ADAMTSL1: variants seen among roughly 807,000 people sequenced by gnomAD.
ADAMTSL1 encodes ADAMTS like 1, also known as ADAMTS-like protein 1.
A neutral mutation model predicts 201.8 loss-of-function variants in ADAMTSL1; 126 were observed. The ratio of observed to expected loss-of-function variants is 0.62; its 90% confidence interval spans 0.54 to 0.72. ADAMTSL1 has a LOEUF of 0.72. ADAMTSL1 is among the 30% of genes least tolerant of loss of function. The probability of loss-of-function intolerance (pLI) is 0.00; values close to 1 mark genes in which losing one functional copy is unlikely to be tolerated. For missense variants in ADAMTSL1, 2,679 were observed against 2,277.8 expected (o/e 1.18, Z -3.59); for synonymous variants, 1,121 against 903.4 (o/e 1.24, Z -4.32).
intron 2 of ADAMTSL1, among the ~76,000 whole-genome samples, chr9:18,258,771 C>G (rs149737031): frequency 3.3e-5 from 5 of 152,308 alleles, no homozygotes; most frequent in African/African-American, 1.2e-4. Context: ...CCCTCACACA[C>G]CAGGTTGTCT....
At chr9:18,025,889 G>A (rs1435349814) in intron 1 of ADAMTSL1, among the ~76,000 whole-genome samples, 1 of 152,082 alleles carries the variant, frequency 6.6e-6, no homozygotes, top group Non-Finnish European at 1.5e-5. Flanking sequence ...CCAAGAGCAT[G>A]GAATGTTTTT....
chr9:18,352,808 A>G (rs1056971951), intron 2 of ADAMTSL1, among the ~76,000 whole-genome samples: 5 of 152,202 alleles, frequency 3.3e-5, no homozygotes, highest in African/African-American at 9.6e-5. Flanking sequence ...TTTTTACCCT[A>G]TTTCTCAATC....
chr9:18,017,635 A>G lies in ADAMTSL1; in HGVS notation c.87+110713A>G, dbSNP rs148833112. Among the ~76,000 whole-genome samples, 31 of 152,136 alleles carry G rather than the reference A, an allele frequency of 2.0e-4. No homozygotes were observed. In the East Asian group the frequency reaches 5.6e-3, roughly 28 times the overall value. ...GGAAATCCTGTCTTTAGAATTGAACATGAAATTATGATCAAATTTTTTCTT... is the reference window on the plus strand; with the variant it reads ...GGAAATCCTGTCTTTAGAATTGAACGTGAAATTATGATCAAATTTTTTCTT... On this transcript the variant is annotated intron_variant, in intron 1 of 29. Coordinates refer to the ADAMTSL1 transcript ENST00000680146.
intron 2 of ADAMTSL1, among the ~76,000 whole-genome samples, chr9:18,449,493 A>C (rs1820323710): frequency 6.6e-6 from 1 of 152,062 alleles, no homozygotes; most frequent in African/African-American, 2.4e-5. Flanking sequence ...TTAACTTAAT[A>C]TATTCAGAAA....
intron 1 of ADAMTSL1, among the ~76,000 whole-genome samples, chr9:17,948,190 A>T (rs369481358): frequency 1.2e-3 from 178 of 152,324 alleles, no homozygotes; most frequent in African/African-American, 4.0e-3. Context: ...ATTACCAAAA[A>T]ATAAATTAAT....
chr9:18,726,524 A>T (rs1441096464), intron 15 of ADAMTSL1, among the ~76,000 whole-genome samples: 4 of 151,726 alleles, frequency 2.6e-5, no homozygotes, highest in Non-Finnish European at 5.9e-5. Context: ...AAAAAAAAAA[A>T]TAAGCTTTAG....
intron 12 of ADAMTSL1, 95 bp from the exon 13 acceptor site, chr9:18,684,621 G>C (rs1024268672): frequency 2.9e-6 from 4 of 1,381,474 alleles, no homozygotes; most frequent in African/African-American, 1.4e-5. Flanking sequence ...GTTGGTCAAC[G>C]TAGTAACTTC....
At chr9:18,807,526 T>C (rs1038970884) in intron 20 of ADAMTSL1, among the ~76,000 whole-genome samples, 1 of 151,716 alleles carries the variant, frequency 6.6e-6, no homozygotes, top group Non-Finnish European at 1.5e-5. Flanking sequence ...GCGCCTGTAG[T>C]CCCAGCTAGT....
At chr9:18,266,242 C>A (rs1485867504) in intron 2 of ADAMTSL1, among the ~76,000 whole-genome samples, 1 of 152,152 alleles carries the variant, frequency 6.6e-6, no homozygotes, top group African/African-American at 2.4e-5. Flanking sequence ...AACTTTTTCA[C>A]CTAGGTGAAC....
At position 18,681,695 on chromosome 9, in the gene ADAMTSL1, T is replaced by TGAGG. The variant is rs201108118; in HGVS notation, c.1342-116_1342-115insAGGG. Reference sequence around the variant, plus strand: ...GGTATAAATTTACCAGGAGTCCTCGTGTGGGGGGGGGGGGCGGGGAAAAAG... The same window carrying TGAGG: ...GGTATAAATTTACCAGGAGTCCTCGTGAGGGTGGGGGGGGGGGGCGGGGAAAAAG... On this transcript the variant is annotated intron_variant, in intron 11 of 28. Coordinates refer to ENST00000380548, the MANE Select transcript of ADAMTSL1 (RefSeq NM_001040272.6). 235 of 287,380 alleles carry TGAGG rather than the reference T, an allele frequency of 8.2e-4. 2 individuals are homozygous for TGAGG. The highest frequency in any genetic ancestry group is 1.8e-3 in the Middle Eastern group (2 of 1,106). 17.8% of individuals were successfully genotyped at this position (287,380 alleles called of 1,614,324 possible).
Position 18,492,254 on chromosome 9 carries a change from G to C in ADAMTSL1, c.64-12575G>C, listed in dbSNP as rs538219565. Among the ~76,000 whole-genome samples, 22 of 152,188 alleles carry C rather than the reference G, an allele frequency of 1.4e-4. No individual in the cohort carries two copies. The South Asian group carries it at 4.4e-3, about 30-fold the overall frequency. On this transcript the variant is annotated intron_variant, in intron 1 of 28. Coordinates refer to ENST00000380548, the MANE Select transcript of ADAMTSL1 (RefSeq NM_001040272.6). ...AAAAAACATCATTCCTTAACACTTG[G>C]CTAGGAATTAAGTCAATATAGAAAC...
At chr9:18,456,628 T>C (rs918391778) in intron 2 of ADAMTSL1, among the ~76,000 whole-genome samples, 6 of 152,216 alleles carry the variant, frequency 3.9e-5, no homozygotes, top group African/African-American at 1.2e-4. Context: ...TTTTATTCGA[T>C]TACCACATTT....
chr9:18,599,948 C>A, intron 4 of ADAMTSL1, among the ~76,000 whole-genome samples: 1 of 135,516 alleles, frequency 7.4e-6, no homozygotes, highest in African/African-American at 2.8e-5. Context: ...GTCAGGAAAT[C>A]GAGATCATCC....
intron 23 of ADAMTSL1, among the ~76,000 whole-genome samples, chr9:18,849,762 G>T (rs772188510): frequency 6.6e-6 from 1 of 152,186 alleles, no homozygotes; most frequent in African/African-American, 2.4e-5. Flanking sequence ...ATTTCCTAAA[G>T]CTTTGCCCAC....
At chr9:18,116,998 G>C (rs1825279799) in intron 1 of ADAMTSL1, among the ~76,000 whole-genome samples, 1 of 152,162 alleles carries the variant, frequency 6.6e-6, no homozygotes, top group African/African-American at 2.4e-5. Context: ...AAAAGCCTAA[G>C]CCTCAGAGGC....
intron 4 of ADAMTSL1, among the ~76,000 whole-genome samples, chr9:18,578,708 T>G (rs1822893891): frequency 6.6e-6 from 1 of 152,126 alleles, no homozygotes; most frequent in African/African-American, 2.4e-5. Context: ...TGTGTCTTTA[T>G]AGCAGCATGA....
chr9:18,276,026 G>A (rs1194870293), intron 2 of ADAMTSL1, among the ~76,000 whole-genome samples: 1 of 152,114 alleles, frequency 6.6e-6, no homozygotes, highest in Non-Finnish European at 1.5e-5. Flanking sequence ...TCTTCTGAAA[G>A]TTTCTTACTT....
At chr9:18,284,621 A>G (rs1832924938) in intron 2 of ADAMTSL1, among the ~76,000 whole-genome samples, 1 of 152,232 alleles carries the variant, frequency 6.6e-6, no homozygotes, top group Non-Finnish European at 1.5e-5. Flanking sequence ...CACGGCCTCA[A>G]GTAATATGTC....
chr9:18,056,208 A>G (rs974507706), intron 1 of ADAMTSL1, among the ~76,000 whole-genome samples: 6 of 151,188 alleles, frequency 4.0e-5, no homozygotes, highest in African/African-American at 1.5e-4. Context: ...CCAAAAAAGC[A>G]TTTTCTTATT....
Sources: gnomAD v4.1 joint callset for allele counts (sites outside exome capture counted in the v4.1 genomes callset) on GRCh38, gnomAD v4.1.1 for gene constraint, MANE v1.5 for transcripts, NCBI Gene and HGNC (gene_info 2026-07-23, HGNC 2026-07-21) for gene names.